Variants in ZNF208 observed in about 807,000 individuals in gnomAD.
ZNF208 encodes the protein zinc finger protein 208, also known as zinc finger protein 95.
In ZNF208, 10 loss-of-function variants were observed where a neutral mutation model predicts 12.1. The ratio of observed to expected loss-of-function variants is 0.83; its 90% CI spans 0.51 to 1.40. The LOEUF (loss-of-function observed/expected upper bound fraction) is 1.40, where lower values mean the gene tolerates loss of function less well. Ranked by LOEUF, ZNF208 falls within the 40% of genes most tolerant of loss-of-function variation. The pLI, the probability that ZNF208 is intolerant of heterozygous loss-of-function variation, is 0.00. For synonymous variants in ZNF208, 497 were observed against 488.4 expected (o/e 1.02, Z -0.23); for missense variants, 1,652 against 1,485.0 (o/e 1.11, Z -1.85).
Position 21,971,400 on chromosome 19 carries a change from G to C in ZNF208, c.3634C>G (p.Leu1212Val). Residue 1212 changes from leucine to valine, a missense_variant, in exon 4 of 4, where the codon CTT becomes GTT. Coordinates refer to ENST00000397126, the MANE Select transcript of ZNF208 (RefSeq NM_007153.3). Reference sequence around the variant, plus strand: ...GTATGAATTTTCTTGTGATATCTAAGGGTTGAGGGCCACTTATAGGCTTTG... The same window carrying C: ...GTATGAATTTTCTTGTGATATCTAACGGTTGAGGGCCACTTATAGGCTTTG... ...CGKAYKWPST[L>V]RYHKKIHTGE... 6.2e-7 allele frequency: 1 copy of C among 1,609,300 alleles called. No homozygotes were observed. Among genetic ancestry groups the C allele is most frequent in the South Asian group, 1.1e-5 (1 of 90,954 alleles).
rs1459641293 is a variant in ZNF208 at position 21,969,790 on chromosome 19, T to G, written c.*1401A>C. Among the ~76,000 whole-genome samples the G allele has an allele frequency of 6.6e-6, 1 of 152,202 alleles. No individual in the cohort carries two copies. Among genetic ancestry groups the G allele is most frequent in the Non-Finnish European group, 1.5e-5 (1 of 68,032 alleles). The stretch of plus-strand genomic sequence containing the variant: ...CCTCAAAATAAATATTCTTCTGTAC[T>G]TTAACAGCTTTTATTTTCTGAAAGA... On this transcript the variant is annotated 3_prime_UTR_variant, in exon 4 of 4. Transcript: ENST00000397126.
chr19:22,001,301 AC>A, intron 1 of ZNF208, among the ~76,000 whole-genome samples: 1 of 152,028 alleles, frequency 6.6e-6, no homozygotes. Context: ...AAACAAACAA[AC>A]AAACAAAAAA....
At chr19:21,947,183 T>G (rs773028020) in intron 4 of ZNF208, among the ~76,000 whole-genome samples, 12 of 152,160 alleles carry the variant, frequency 7.9e-5, no homozygotes, top group Non-Finnish European at 1.8e-4. Context: ...TAAGGGCCTT[T>G]CTCTCCCACA....
Position 21,966,242 on chromosome 19 carries a change from T to A in ZNF208, c.*4949A>T, listed in dbSNP as rs1064170. On this transcript the variant is annotated 3_prime_UTR_variant, in exon 4 of 4. Coordinates refer to ENST00000397126, the MANE Select transcript of ZNF208 (RefSeq NM_007153.3). ...GTACATCATACCTAAGCAGATTTTC[T>A]ATGCTTGTCTCCCATCCTTCCTCCT... is the stretch of plus-strand genomic sequence containing the variant. 0.62 allele frequency: 93,774 copies of A among 151,900 alleles called. 29,676 individuals carry two copies. Among genetic ancestry groups the A allele is most frequent in the African/African-American group, 0.74 (30,739 of 41,486 alleles). The allele number at this position is 151,900 out of a possible 1,614,324, so 9.4% of individuals were successfully genotyped here.
chr19:21,991,285 TAC>T (rs1970729350), intron 1 of ZNF208, among the ~76,000 whole-genome samples: 1 of 152,202 alleles, frequency 6.6e-6, no homozygotes, highest in Non-Finnish European at 1.5e-5. Context: ...ATCCCATCAA[TAC>T]CTAATTTATT....
At chr19:21,995,046 G>A (rs1970808698) in intron 1 of ZNF208, among the ~76,000 whole-genome samples, 1 of 150,540 alleles carries the variant, frequency 6.6e-6, no homozygotes, top group African/African-American at 2.4e-5. Flanking sequence ...CCTCCTCCCA[G>A]GTTCAAGAGA....
In ZNF208 at chr19:21,990,130, T is replaced by C. The variant is rs181653232; in HGVS notation, c.4-1221A>G. ...ATTTTGGCTTTTGTTGCCATTGCTA[T>C]TGGTGTTTTAGACATGAAGTCCTTG... On this transcript the variant is annotated intron_variant, in intron 1 of 3. Coordinates refer to ENST00000397126, the MANE Select transcript of ZNF208 (RefSeq NM_007153.3). Among the ~76,000 whole-genome samples, 1,003 of 152,232 alleles carry C rather than the reference T, an allele frequency of 6.6e-3. 11 individuals carry two copies. Among genetic ancestry groups the C allele is most frequent in the Non-Finnish European group, 7.4e-3 (501 of 68,008 alleles).
At chr19:21,963,515 A>G (rs1417518365), downstream of ZNF208, among the ~76,000 whole-genome samples, 2 of 152,024 alleles carry the variant, frequency 1.3e-5, no homozygotes, top group African/African-American at 4.8e-5. Flanking sequence ...GGGGAAATTG[A>G]TATCTTTACG....
chr19:21,951,553 A>T (rs1455007874), intron 4 of ZNF208, among the ~76,000 whole-genome samples: 1 of 152,256 alleles, frequency 6.6e-6, no homozygotes, highest in Non-Finnish European at 1.5e-5. Flanking sequence ...ATTCAAAGGA[A>T]TATCATATGG....
At chr19:22,009,039 C>T (rs67458228) in intron 1 of ZNF208, among the ~76,000 whole-genome samples, 22,150 of 152,108 alleles carry the variant, frequency 0.15, 1,773 homozygotes, top group Admixed American at 0.22. Flanking sequence ...ACACATCTCC[C>T]TATAAAGTTT....
At chr19:21,955,162 C>T (rs1375439373) in intron 4 of ZNF208, among the ~76,000 whole-genome samples, 1 of 152,210 alleles carries the variant, frequency 6.6e-6, no homozygotes, top group Non-Finnish European at 1.5e-5. Context: ...TATTGGCCCC[C>T]ATTCTCTTCT....
downstream of ZNF208, among the ~76,000 whole-genome samples, chr19:21,964,870 A>G (rs1388807056): frequency 6.6e-6 from 1 of 151,944 alleles, no homozygotes; most frequent in Non-Finnish European, 1.5e-5. Context: ...GGGGTTTTAA[A>G]TGTTATTTAA....
rs752291735 is a variant in ZNF208, at chr19:21,971,274, T to C, written c.3760A>G (p.Lys1254Glu). The change falls in exon 4 of 4, where the codon AAA becomes GAA. Residue 1254 changes from lysine to glutamate, a missense_variant. By Grantham distance (56) the Lys-to-Glu change is moderately conservative (BLOSUM62 1). Transcript: ENST00000397126. ...AAGGCTTTGCCACATTCTTCACATT[T>C]GTAGGGTTTCTCTCCAGTATGAATT... ...KVIHTGEKPYKCEECGKAFSW... is the reference protein window; with the variant it reads ...KVIHTGEKPYECEECGKAFSW... 1.9e-6 allele frequency: 3 copies of C among 1,612,488 alleles called. No individual in the cohort carries two copies. Among genetic ancestry groups the C allele is most frequent in the Non-Finnish European group, 2.5e-6 (3 of 1,179,928 alleles).
chr19:21,958,045 CT>C (rs759403479), intron 4 of ZNF208, among the ~76,000 whole-genome samples: 5 of 151,542 alleles, frequency 3.3e-5, no homozygotes, highest in African/African-American at 4.8e-5. Context: ...TCCATGTGTT[CT>C]TATTGTTCAA....
chr19:21,956,690 C>G (rs1394095693), intron 4 of ZNF208, among the ~76,000 whole-genome samples: 5 of 152,188 alleles, frequency 3.3e-5, no homozygotes, highest in Non-Finnish European at 7.3e-5. Context: ...ATTGGAAAAG[C>G]ACAATGTTAG....
At chr19:21,942,625 G>A (rs185164774) in intron 4 of ZNF208, among the ~76,000 whole-genome samples, 263 of 152,216 alleles carry the variant, frequency 1.7e-3, no homozygotes, top group African/African-American at 5.7e-3. Context: ...TATTTTCAGT[G>A]TGTTTGTATG....
chr19:22,007,435 TG>T (rs1363792210), intron 1 of ZNF208, among the ~76,000 whole-genome samples: 1 of 128,056 alleles, frequency 7.8e-6, no homozygotes, highest in Non-Finnish European at 1.6e-5. Flanking sequence ...GGCGTAAACC[TG>T]GGAGGAGGAG....
chr19:21,978,324 C>G (rs983848209), intron 3 of ZNF208, among the ~76,000 whole-genome samples: 1 of 152,180 alleles, frequency 6.6e-6, no homozygotes, highest in African/African-American at 2.4e-5. Context: ...TACAAGAGAG[C>G]TCTGGCTGGC....
At chr19:21,993,389 T>C (rs373969617) in intron 1 of ZNF208, among the ~76,000 whole-genome samples, 1 of 151,918 alleles carries the variant, frequency 6.6e-6, no homozygotes, top group South Asian at 2.1e-4. Flanking sequence ...TAGAGTCACA[T>C]GAGCCACTTA....
Sources: gnomAD v4.1 joint callset for allele counts (sites outside exome capture counted in the v4.1 genomes callset) on GRCh38, gnomAD v4.1.1 for gene constraint, MANE v1.5 for transcripts, NCBI Gene and HGNC (gene_info 2026-07-23, HGNC 2026-07-21) for gene names.